TSPEAR: variants seen among roughly 807,000 people sequenced by gnomAD.
TSPEAR encodes thrombospondin type laminin G domain and EAR repeats, also known as thrombospondin-type laminin G domain and EAR repeat-containing protein.
Under a neutral mutation model 71.6 loss-of-function variants are expected in TSPEAR, and 69 were observed. That is an observed-to-expected ratio of 0.96 (90% CI 0.79 to 1.18). The LOEUF is 1.18. Ranked by LOEUF, TSPEAR falls within the 50% of genes most tolerant of loss-of-function variation. The pLI, the probability that TSPEAR is intolerant of heterozygous loss-of-function variation, is 0.00. For missense variants in TSPEAR, 971 were observed against 894.9 expected (o/e 1.09, Z -1.09); for synonymous variants, 402 against 387.2 (o/e 1.04, Z -0.45).
intron 1 of TSPEAR, chr21:44,657,944 T>G: frequency 6.3e-7 from 1 of 1,594,802 alleles, no homozygotes; most frequent in Non-Finnish European, 8.6e-7. Context: ...GACATCACCA[T>G]CCTCCTCCCC....
intron 1 of TSPEAR, among the ~76,000 whole-genome samples, chr21:44,646,124 CAAAAAAAAAAAAAAAA>C (rs55672014): frequency 3.2e-4 from 10 of 31,224 alleles, no homozygotes; most frequent in East Asian, 1.8e-3. Context: ...GACTCCCTCT[CAAAAAAAAAAAAAAAA>C]AAAAAAAAAA....
chr21:44,705,282 A>G lies in TSPEAR; in HGVS notation c.82+6151T>C, dbSNP rs527701361. On this transcript the variant is annotated intron_variant, in intron 1 of 11. Coordinates refer to ENST00000323084, the MANE Select transcript of TSPEAR (RefSeq NM_144991.3). ...TAATCCTGTCAGTTGAGGAGGGTGTATATCATTCCAGGACCCTGTAATAAT... is the reference window on the plus strand; with the variant it reads ...TAATCCTGTCAGTTGAGGAGGGTGTGTATCATTCCAGGACCCTGTAATAAT... Among the ~76,000 whole-genome samples, 5 of 152,288 alleles carry G rather than the reference A, an allele frequency of 3.3e-5. No individual in the cohort carries two copies. In the East Asian group the frequency reaches 9.7e-4, roughly 29 times the overall value.
chr21:44,600,749 A>G (rs782550496), intron 1 of TSPEAR: 1 of 1,609,504 alleles, frequency 6.2e-7, no homozygotes, highest in Non-Finnish European at 8.5e-7. Flanking sequence ...AGCTGCTGCG[A>G]GCCCCCCTGC....
intron 8 of TSPEAR, 94 bp from the exon 9 acceptor site, chr21:44,522,206 C>G: frequency 1.5e-6 from 2 of 1,307,994 alleles, no homozygotes; most frequent in Non-Finnish European, 2.2e-6. Flanking sequence ...AGTCCCTCCC[C>G]GAGGACCGAA....
chr21:44,567,950 G>A lies in TSPEAR; in HGVS notation c.138C>T (p.Ser46=), dbSNP rs781956758. The A allele has an allele frequency of 1.1e-4, 170 of 1,579,080 alleles. No individual in the cohort carries two copies. The highest frequency in any genetic ancestry group is 7.8e-4 in the Admixed American group (44 of 56,732). Reference sequence around the variant, plus strand: ...CGTGAACCTGAACTATCCTGATCCCGCTTGTGGCGCCATCAGAAGGGACCA... The same window carrying A: ...CGTGAACCTGAACTATCCTGATCCCACTTGTGGCGCCATCAGAAGGGACCA... ...AEVVPSDGAT[S]GIRIVQVHGA... is the part of the protein sequence containing the mutation. Residue 46 remains serine (S), a synonymous_variant, in exon 2 of 12, where the codon AGC becomes AGT. Transcript: ENST00000323084.
chr21:44,699,098 G>A (rs7278629), intron 1 of TSPEAR, among the ~76,000 whole-genome samples: 1 of 151,732 alleles, frequency 6.6e-6, no homozygotes, highest in East Asian at 1.9e-4. Flanking sequence ...CCCGGGAAGC[G>A]GAAGCAGAAG....
At chr21:44,620,913 G>A (rs1982391734) in intron 1 of TSPEAR, among the ~76,000 whole-genome samples, 1 of 151,974 alleles carries the variant, frequency 6.6e-6, no homozygotes, top group African/African-American at 2.4e-5. Flanking sequence ...ATTCTCCTTT[G>A]ACCAATTGGT....
chr21:44,673,715 A>G (rs1986166670), intron 1 of TSPEAR, among the ~76,000 whole-genome samples: 1 of 152,240 alleles, frequency 6.6e-6, no homozygotes, highest in African/African-American at 2.4e-5. Flanking sequence ...GTTTGGCCAC[A>G]AAACAAGTCT....
At chr21:44,674,008 G>C (rs1389810708) in intron 1 of TSPEAR, among the ~76,000 whole-genome samples, 1 of 152,012 alleles carries the variant, frequency 6.6e-6, no homozygotes, top group African/African-American at 2.4e-5. Flanking sequence ...ACATCAAAAA[G>C]GTAGATGTGG....
At chr21:44,673,353 C>CTT (rs1986151081) in intron 1 of TSPEAR, among the ~76,000 whole-genome samples, 1 of 152,178 alleles carries the variant, frequency 6.6e-6, no homozygotes, top group African/African-American at 2.4e-5. Flanking sequence ...CAATCAAAAG[C>CTT]TGAGGGTATT....
chr21:44,697,164 G>T (rs781822474), intron 1 of TSPEAR: 2 of 1,598,830 alleles, frequency 1.3e-6, no homozygotes, highest in Admixed American at 3.4e-5. Flanking sequence ...CTCCCTCTCA[G>T]CTCCCCCAGC....
chr21:44,568,177 C>T (rs1041779300), intron 1 of TSPEAR, among the ~76,000 whole-genome samples, 172 bp from the exon 2 acceptor site: 1 of 152,218 alleles, frequency 6.6e-6, no homozygotes, highest in Non-Finnish European at 1.5e-5. Context: ...AACAGAGGCA[C>T]CATGAGGTGT....
chr21:44,571,189 T>C (rs2053790265), intron 1 of TSPEAR, among the ~76,000 whole-genome samples: 1 of 152,220 alleles, frequency 6.6e-6, no homozygotes, highest in South Asian at 2.1e-4. Context: ...AATAAAATAT[T>C]AGCAAATACA....
chr21:44,589,850 G>A (rs918479302), intron 1 of TSPEAR, among the ~76,000 whole-genome samples: 2 of 152,252 alleles, frequency 1.3e-5, no homozygotes, highest in Non-Finnish European at 2.9e-5. Flanking sequence ...AGACACGCAT[G>A]TGTGGGGAGC....
At chr21:44,578,176 G>A (rs987487524) in intron 1 of TSPEAR, among the ~76,000 whole-genome samples, 3 of 152,060 alleles carry the variant, frequency 2.0e-5, no homozygotes, top group Non-Finnish European at 4.4e-5. Flanking sequence ...CCATGAAAAT[G>A]AACTAATACA....
rs2146347542 is a variant in TSPEAR, at chr21:44,711,413, T to C, written c.82+20A>G. 6.3e-7 allele frequency: 1 copy of C among 1,575,064 alleles called. No homozygotes were observed. The highest frequency in any genetic ancestry group is 2.3e-5 in the East Asian group (1 of 43,084). On this transcript the variant is annotated intron_variant, in intron 1 of 11. Coordinates refer to ENST00000323084, the MANE Select transcript of TSPEAR (RefSeq NM_144991.3). This position sits in a 1 kb window ranked among gnomAD's most constrained non-coding sequence, Gnocchi z 4.5. ...CCCCGGCAAGATACCCCCGCCCGAGTTCCCATGCCCCTGCCTTACCTGTGC... is the reference window on the plus strand; with the variant it reads ...CCCCGGCAAGATACCCCCGCCCGAGCTCCCATGCCCCTGCCTTACCTGTGC...
intron 1 of TSPEAR, among the ~76,000 whole-genome samples, chr21:44,584,593 T>C (rs1979220070): frequency 6.6e-6 from 1 of 152,232 alleles, no homozygotes; most frequent in African/African-American, 2.4e-5. Context: ...ATGGGATTGA[T>C]TTACAGTCCT....
rs146120102 is a variant in TSPEAR, at chr21:44,517,775, C to T, written c.1566+4108G>A. On this transcript the variant is annotated intron_variant, in intron 9 of 11. Coordinates refer to ENST00000323084, the MANE Select transcript of TSPEAR (RefSeq NM_144991.3). ...TCAGAACACTGAGCCCTCCTACCTC[C>T]TGATATCCAGGGCTGCCGATGGGAA... 4.6e-3 allele frequency: 2,160 copies of T among 471,226 alleles called. 40 individuals carry two copies. The highest frequency in any genetic ancestry group is 0.039 in the African/African-American group (1,978 of 50,212). 29.2% of individuals were successfully genotyped at this position (471,226 alleles called of 1,614,324 possible). A position where few individuals can be genotyped will look rare whatever the true frequency, so the allele number is the denominator to read the frequency against.
chr21:44,620,384 C>G (rs80131611), intron 1 of TSPEAR, among the ~76,000 whole-genome samples: 2,410 of 152,318 alleles, frequency 0.016, 59 homozygotes, highest in African/African-American at 0.055. Flanking sequence ...AGGTCAACAG[C>G]AAAGGTAGCC....
Sources: gnomAD v4.1 joint callset for allele counts (sites outside exome capture counted in the v4.1 genomes callset) on GRCh38, gnomAD v4.1.1 for gene constraint, Gnocchi (gnomAD v3.1) non-coding constraint, MANE v1.5 for transcripts, NCBI Gene and HGNC (gene_info 2026-07-23, HGNC 2026-07-21) for gene names.